The following RBFOX1 variants were observed in gnomAD, a reference collection of about 807,000 sequenced individuals.
RBFOX1 encodes RNA binding fox-1 homolog 1.
Under a neutral mutation model 57.7 loss-of-function variants are expected in RBFOX1, and 8 were observed. That is an observed-to-expected ratio of 0.14 (90% CI 0.08 to 0.25). RBFOX1 has a LOEUF of 0.25. RBFOX1 is among the 10% of genes least tolerant of loss of function. The probability of loss-of-function intolerance (pLI) is 1.00; values close to 1 mark genes in which losing one functional copy is unlikely to be tolerated. For missense variants in RBFOX1, 611 were observed against 548.5 expected (o/e 1.11, Z -1.14); for synonymous variants, 326 against 222.4 (o/e 1.47, Z -4.15).
intron 4 of RBFOX1, among the ~76,000 whole-genome samples, chr16:7,324,461 CAG>C (rs2096585298): frequency 6.6e-6 from 1 of 152,142 alleles, no homozygotes; most frequent in Admixed American, 6.5e-5. Context: ...TGAGAGGCCT[CAG>C]GGGGTATTTG....
At chr16:6,573,296 C>T (rs568651263) in intron 2 of RBFOX1, among the ~76,000 whole-genome samples, 5 of 152,226 alleles carry the variant, frequency 3.3e-5, no homozygotes, top group Admixed American at 2.6e-4. Flanking sequence ...TGCCAGGGGA[C>T]GCCATACCCT....
intron 4 of RBFOX1, among the ~76,000 whole-genome samples, chr16:7,089,891 A>T (rs536574792): frequency 1.5e-5 from 2 of 136,794 alleles, no homozygotes; most frequent in South Asian, 2.6e-4. Flanking sequence ...TACATCTTTA[A>T]TTCAGATTTT....
intron 2 of RBFOX1, among the ~76,000 whole-genome samples, chr16:6,356,110 A>G (rs2087272584): frequency 6.6e-6 from 1 of 152,202 alleles, no homozygotes; most frequent in Non-Finnish European, 1.5e-5. Flanking sequence ...AGAGAAACAA[A>G]TCTCCTGTGC....
At chr16:5,918,567 T>C (rs1401387800) in intron 4 of RBFOX1, among the ~76,000 whole-genome samples, 2 of 152,242 alleles carry the variant, frequency 1.3e-5, no homozygotes, top group Admixed American at 1.3e-4. Flanking sequence ...CCTCACTATC[T>C]ATAACAAAAT....
chr16:6,478,200 A>AC (rs2095304143), intron 2 of RBFOX1, among the ~76,000 whole-genome samples: 1 of 145,136 alleles, frequency 6.9e-6, no homozygotes, highest in Admixed American at 6.9e-5. Context: ...TTGGTGCAGG[A>AC]GCCTAGCTTT....
intron 4 of RBFOX1, among the ~76,000 whole-genome samples, chr16:7,195,425 C>T (rs150677169): frequency 2.2e-4 from 34 of 152,274 alleles, no homozygotes; most frequent in East Asian, 7.7e-4. Flanking sequence ...CATTATTACA[C>T]GACCTGGGCA....
At chr16:6,847,445 T>A (rs1182485803) in intron 3 of RBFOX1, among the ~76,000 whole-genome samples, 1 of 152,052 alleles carries the variant, frequency 6.6e-6, no homozygotes, top group Non-Finnish European at 1.5e-5. Flanking sequence ...TGTCATCATC[T>A]TCACAGCAAT....
intron 1 of RBFOX1, among the ~76,000 whole-genome samples, chr16:6,095,956 G>T (rs1181623098): frequency 2.0e-5 from 3 of 152,222 alleles, no homozygotes; most frequent in Non-Finnish European, 2.9e-5. Flanking sequence ...CTTGGGCCCA[G>T]ATCTCAGCCA....
At chr16:6,850,068 T>C (rs1167846530) in intron 3 of RBFOX1, among the ~76,000 whole-genome samples, 1 of 152,208 alleles carries the variant, frequency 6.6e-6, no homozygotes, top group African/African-American at 2.4e-5. Flanking sequence ...AGATACCTTC[T>C]TAACCGAGTC....
chr16:5,412,543 T>G (rs376313372), intron 1 of RBFOX1, among the ~76,000 whole-genome samples: 106 of 152,268 alleles, frequency 7.0e-4, no homozygotes, highest in African/African-American at 2.3e-3. Context: ...AGATTTGTTT[T>G]GCAGGTCATT....
chr16:7,371,056 TCTC>T (rs761988760), intron 4 of RBFOX1, among the ~76,000 whole-genome samples: 11 of 152,294 alleles, frequency 7.2e-5, no homozygotes, highest in Non-Finnish European at 1.5e-4. Flanking sequence ...TTTGTTCTCC[TCTC>T]CTCTAAGCAC....
chr16:6,236,333 A>T (rs62015123), intron 1 of RBFOX1, among the ~76,000 whole-genome samples: 1,815 of 152,198 alleles, frequency 0.012, 18 homozygotes, highest in Non-Finnish European at 0.019. Flanking sequence ...ATAGTACCTA[A>T]CTCATAATCT....
chr16:6,710,564 G>C lies in RBFOX1; in HGVS notation c.-16+55914G>C, dbSNP rs79276286. Among the ~76,000 whole-genome samples the C allele has an allele frequency of 1.2e-3, 181 of 152,322 alleles. 3 individuals carry two copies. In the East Asian group the frequency reaches 0.031, roughly 26 times the overall value. The stretch of plus-strand genomic sequence containing the variant: ...TACTTTATCTAAAGGTGCAGGTCTG[G>C]CTGATCCGTTACCGGAATAGTACCA... On this transcript the variant is annotated intron_variant, in intron 3 of 15. Transcript: ENST00000550418.
intron 9 of RBFOX1, among the ~76,000 whole-genome samples, chr16:7,597,927 G>T (rs373875921): frequency 3.3e-5 from 5 of 152,232 alleles, no homozygotes; most frequent in African/African-American, 4.8e-5. Context: ...GTGTGAGTGG[G>T]TTATTTGTTC....
intron 4 of RBFOX1, among the ~76,000 whole-genome samples, chr16:7,289,700 T>C (rs1241620667): frequency 2.0e-5 from 3 of 152,186 alleles, no homozygotes; most frequent in East Asian, 1.9e-4. Flanking sequence ...GAAGCTGATA[T>C]GTGTTGTGCA....
chr16:7,108,535 G>A (rs927865209), intron 4 of RBFOX1, among the ~76,000 whole-genome samples: 1 of 152,124 alleles, frequency 6.6e-6, no homozygotes, highest in African/African-American at 2.4e-5. Flanking sequence ...GTATATGGTG[G>A]TGCAGAAGGT....
chr16:5,843,372 T>C (rs575112137), intron 3 of RBFOX1, among the ~76,000 whole-genome samples: 10 of 152,208 alleles, frequency 6.6e-5, no homozygotes, highest in Non-Finnish European at 1.0e-4. Flanking sequence ...CTCCTACTTA[T>C]GAGGATATGA....
chr16:6,856,858 T>A (rs1444035965), intron 3 of RBFOX1, among the ~76,000 whole-genome samples: 2 of 151,878 alleles, frequency 1.3e-5, no homozygotes, highest in Non-Finnish European at 2.9e-5. Context: ...AATTGTCAAT[T>A]CAGATAATAA....
intron 4 of RBFOX1, among the ~76,000 whole-genome samples, chr16:7,263,227 C>A (rs1447778472): frequency 1.3e-5 from 2 of 152,148 alleles, no homozygotes; most frequent in African/African-American, 4.8e-5. Flanking sequence ...TCAGGATATT[C>A]AGCACCAGGA....
Sources: allele counts gnomAD v4.1 joint callset (sites outside exome capture counted in the v4.1 genomes callset), GRCh38; gene constraint gnomAD v4.1.1; transcripts MANE v1.5; gene names NCBI Gene and HGNC (gene_info 2026-07-23, HGNC 2026-07-21).